NAV2: variants seen among roughly 807,000 people sequenced by gnomAD.
NAV2 encodes helicase, APC down-regulated 1.
A neutral mutation model predicts 223.2 loss-of-function variants in NAV2; 54 were observed. The ratio of observed to expected loss-of-function variants is 0.24; its 90% confidence interval spans 0.19 to 0.30. The LOEUF (loss-of-function observed/expected upper bound fraction) is 0.30, where lower values mean the gene tolerates loss of function less well. Ranked by LOEUF, NAV2 falls within the 10% of genes least tolerant of loss-of-function variation. The pLI is 1.00. For synonymous variants in NAV2, 1,279 were observed against 1,239.3 expected (o/e 1.03, Z -0.67); for missense variants, 2,806 against 3,147.5 (o/e 0.89, Z 2.60).
At chr11:19,402,018 G>T (rs187580723) in intron 1 of NAV2, 7 of 152,204 alleles carry the variant, frequency 4.6e-5, no homozygotes, top group Admixed American at 3.3e-4. Context: ...GATTTCTAAG[G>T]GTCCCTCATT....
At chr11:19,477,744 G>C (rs1564969076) in intron 1 of NAV2, among the ~76,000 whole-genome samples, 1 of 152,110 alleles carries the variant, frequency 6.6e-6, no homozygotes, top group Non-Finnish European at 1.5e-5. Context: ...TATCTTCATG[G>C]CCTCTCCTTG....
At chr11:19,504,218 T>C (rs2043048794) in intron 1 of NAV2, 1 of 152,172 alleles carries the variant, frequency 6.6e-6, no homozygotes, top group Non-Finnish European at 1.5e-5. Context: ...CTGGTGGAAA[T>C]GCAAAATGAA....
intron 1 of NAV2, among the ~76,000 whole-genome samples, chr11:19,741,471 A>G (rs1565236054): frequency 7.0e-6 from 1 of 142,500 alleles, no homozygotes; most frequent in Non-Finnish European, 1.5e-5. Context: ...CTCTGCTTCT[A>G]TGAGCCTGGC....
intron 17 of NAV2, among the ~76,000 whole-genome samples, chr11:20,052,033 CA>C (rs2058045285): frequency 6.6e-6 from 1 of 152,186 alleles, no homozygotes; most frequent in Non-Finnish European, 1.5e-5. Flanking sequence ...ATCACTTTGC[CA>C]ATCAGAGAAA....
At chr11:19,781,686 G>A (rs941609569) in intron 1 of NAV2, among the ~76,000 whole-genome samples, 6 of 151,904 alleles carry the variant, frequency 3.9e-5, no homozygotes, top group African/African-American at 1.5e-4. Flanking sequence ...CCTCCCAAAG[G>A]CCAGGATGCT....
rs913885015 is a variant in NAV2 at position 19,869,069 on chromosome 11, A to G, written c.511+72A>G. ...TGCCCACCTGTTACTTATGAATGAT[A>G]TTAACACCATTATGACAAGGGATGC... On this transcript the variant is annotated intron_variant, in intron 4 of 37. Coordinates refer to ENST00000349880, the MANE Select transcript of NAV2 (RefSeq NM_145117.5). 5 of 1,384,292 alleles carry G rather than the reference A, an allele frequency of 3.6e-6. No homozygotes were observed. The African/African-American group carries it at 5.7e-5, about 16-fold the overall frequency. The allele number at this position is 1,384,292 out of a possible 1,614,324, so 85.8% of individuals were successfully genotyped here.
chr11:20,070,472 T>G (rs2059330998), intron 22 of NAV2, among the ~76,000 whole-genome samples: 1 of 152,230 alleles, frequency 6.6e-6, no homozygotes, highest in South Asian at 2.1e-4. Context: ...CATTTGGAAC[T>G]CTGCTCTCTG....
chr11:19,478,691 GCTATGCTAACCC>G (rs2042193138), intron 1 of NAV2, among the ~76,000 whole-genome samples: 1 of 152,166 alleles, frequency 6.6e-6, no homozygotes, highest in South Asian at 2.1e-4. Context: ...CATCTTGCCT[GCTATGCTAACCC>G]CTATGCTGTG....
chr11:19,589,312 C>A (rs1231158046), intron 1 of NAV2, among the ~76,000 whole-genome samples: 1 of 152,146 alleles, frequency 6.6e-6, no homozygotes, highest in Non-Finnish European at 1.5e-5. Flanking sequence ...TAGGAGCTAT[C>A]CTGACTTTAC....
intron 1 of NAV2, among the ~76,000 whole-genome samples, chr11:19,759,231 C>T (rs898209003): frequency 2.0e-5 from 3 of 151,750 alleles, no homozygotes; most frequent in Non-Finnish European, 2.9e-5. Context: ...AACAGGGGCA[C>T]GCCGCCATGC....
chr11:19,379,988 A>G (rs1368708202), intron 1 of NAV2, among the ~76,000 whole-genome samples: 1 of 151,646 alleles, frequency 6.6e-6, no homozygotes, highest in Non-Finnish European at 1.5e-5. Context: ...TAATAAAATT[A>G]TATAATTAAT....
intron 1 of NAV2, among the ~76,000 whole-genome samples, chr11:19,451,729 C>T (rs1386051098): frequency 6.6e-6 from 1 of 152,270 alleles, no homozygotes; most frequent in East Asian, 1.9e-4. Context: ...GTCTGAGTTT[C>T]CTAGCAGGAA....
At chr11:20,066,783 C>T (rs971324892) in intron 20 of NAV2, among the ~76,000 whole-genome samples, 1 of 152,148 alleles carries the variant, frequency 6.6e-6, no homozygotes, top group African/African-American at 2.4e-5. Context: ...GATTAGGACA[C>T]CTAGCGAGGA....
chr11:19,665,206 T>C (rs1036898185), intron 1 of NAV2, among the ~76,000 whole-genome samples: 4 of 152,220 alleles, frequency 2.6e-5, no homozygotes, highest in Non-Finnish European at 4.4e-5. Flanking sequence ...GCAAGAGGCA[T>C]GTCTGCAACC....
chr11:20,099,707 G>A (rs1315333105), intron 31 of NAV2, among the ~76,000 whole-genome samples: 1 of 152,126 alleles, frequency 6.6e-6, no homozygotes, highest in Admixed American at 6.5e-5. Flanking sequence ...AGGGGAAGGG[G>A]GTTTGACTTT....
At chr11:19,386,986 G>T (rs1316455490) in intron 1 of NAV2, among the ~76,000 whole-genome samples, 1 of 152,096 alleles carries the variant, frequency 6.6e-6, no homozygotes, top group Non-Finnish European at 1.5e-5. Flanking sequence ...TACACAGGTG[G>T]TTACTGCCTG....
At chr11:19,737,445 GA>G (rs773470713) in intron 1 of NAV2, among the ~76,000 whole-genome samples, 5 of 152,212 alleles carry the variant, frequency 3.3e-5, no homozygotes, top group Non-Finnish European at 7.3e-5. Flanking sequence ...ATGGCAGGGA[GA>G]AGGGATGGGG....
intron 1 of NAV2, among the ~76,000 whole-genome samples, chr11:19,683,657 A>G (rs2152235240): frequency 6.6e-6 from 1 of 152,348 alleles, no homozygotes; most frequent in African/African-American, 2.4e-5. Flanking sequence ...AGAGCTGTGC[A>G]GGGCATCCAG....
intron 1 of NAV2, among the ~76,000 whole-genome samples, chr11:19,614,036 C>T (rs1293475754): frequency 6.6e-6 from 1 of 152,174 alleles, no homozygotes; most frequent in African/African-American, 2.4e-5. Flanking sequence ...TTCCTTCCTT[C>T]AGGGCCCCTT....
Sources: gnomAD v4.1 joint callset for allele counts (sites outside exome capture counted in the v4.1 genomes callset) on GRCh38, gnomAD v4.1.1 for gene constraint, MANE v1.5 for transcripts, NCBI Gene and HGNC (gene_info 2026-07-23, HGNC 2026-07-21) for gene names.